CNTNAP5: variants seen among roughly 807,000 people sequenced by gnomAD.
CNTNAP5 encodes contactin-associated protein-like 5.
A neutral mutation model predicts 150.2 loss-of-function variants in CNTNAP5; 72 were observed. That is an observed-to-expected ratio of 0.48 (90% CI 0.40 to 0.58). The LOEUF (loss-of-function observed/expected upper bound fraction) is 0.58. Among genes scored for constraint, CNTNAP5 ranks in the 20% least tolerant of loss-of-function variants. The probability of loss-of-function intolerance (pLI) is 0.00; values close to 1 mark genes in which losing one functional copy is unlikely to be tolerated. For synonymous variants in CNTNAP5, 672 were observed against 619.8 expected (o/e 1.08, Z -1.25); for missense variants, 1,636 against 1,626.2 (o/e 1.01, Z -0.10).
chr2:124,651,071 C>T, intron 13 of CNTNAP5, among the ~76,000 whole-genome samples: 1 of 152,132 alleles, frequency 6.6e-6, no homozygotes, highest in Admixed American at 6.5e-5. Flanking sequence ...GTGCCCGTTT[C>T]CCAGCGATAG....
chr2:124,846,734 A>C (rs573681948), intron 19 of CNTNAP5, among the ~76,000 whole-genome samples: 7 of 152,154 alleles, frequency 4.6e-5, no homozygotes, highest in Non-Finnish European at 7.4e-5. Context: ...TTCAAGGGCT[A>C]GTGTTAAGAT....
At chr2:124,468,176 T>C (rs1693425306) in intron 6 of CNTNAP5, among the ~76,000 whole-genome samples, 1 of 152,104 alleles carries the variant, frequency 6.6e-6, no homozygotes, top group African/African-American at 2.4e-5. Context: ...AGGATACATG[T>C]ATATATTAAA....
rs539425415 is a variant in CNTNAP5, at chr2:124,645,585, C to T, written c.1877-2173C>T. ...CCTGTATCTAAACAATAAAATATAA[C>T]CTTGCCTCAGTGAAACACTGGGGAC... On this transcript the variant is annotated intron_variant, in intron 12 of 23. Transcript: ENST00000682447. Among the ~76,000 whole-genome samples, 11 of 152,210 alleles carry T rather than the reference C, an allele frequency of 7.2e-5. No homozygotes were observed. In the South Asian group the frequency reaches 2.3e-3, roughly 32 times the overall value.
At chr2:124,246,723 A>T (rs2104774446) in intron 3 of CNTNAP5, among the ~76,000 whole-genome samples, 1 of 152,232 alleles carries the variant, frequency 6.6e-6, no homozygotes, top group Middle Eastern at 3.4e-3. Context: ...TCATGAGCAC[A>T]ATTCCCACAC....
intron 3 of CNTNAP5, among the ~76,000 whole-genome samples, chr2:124,257,283 T>C (rs560176487): frequency 1.4e-3 from 208 of 152,340 alleles, no homozygotes; most frequent in Middle Eastern, 0.014. Flanking sequence ...TTGCAACCTC[T>C]GCTATTACTC....
At chr2:124,373,354 A>C (rs1447851855) in intron 3 of CNTNAP5, among the ~76,000 whole-genome samples, 1 of 152,160 alleles carries the variant, frequency 6.6e-6, no homozygotes, top group East Asian at 1.9e-4. Context: ...AATTGACCAC[A>C]ATCAGGATTT....
intron 1 of CNTNAP5, among the ~76,000 whole-genome samples, chr2:124,159,433 CAATAA>C (rs1684622353): frequency 6.6e-6 from 1 of 152,058 alleles, no homozygotes; most frequent in South Asian, 2.1e-4. Flanking sequence ...GGCTGTGTTC[CAATAA>C]AATTTTATTT....
chr2:124,764,087 T>A lies in CNTNAP5; in HGVS notation c.2473T>A (p.Leu825Ile), dbSNP rs769219100. The change falls in exon 16 of 24, where the codon TTA becomes ATA. Residue 825 changes from leucine (L) to isoleucine (I), a missense_variant. Physicochemically the swap from Leu to Ile is conservative, Grantham distance 5. Transcript: ENST00000682447. The part of the protein sequence containing the change: ...DISFFFKTTA[L>I]SGVFLENLGI... ...TTCCTTCTTTTTTAAAACCACAGCATTATCCGGAGTTTTCCTAGAAAATCT... is the reference window on the plus strand; with the variant it reads ...TTCCTTCTTTTTTAAAACCACAGCAATATCCGGAGTTTTCCTAGAAAATCT... 2 of 1,613,210 alleles carry A rather than the reference T, an allele frequency of 1.2e-6. No homozygotes were observed. Among genetic ancestry groups the A allele is most frequent in the East Asian group, 4.5e-5 (2 of 44,858 alleles).
intron 21 of CNTNAP5, among the ~76,000 whole-genome samples, chr2:124,875,347 T>C (rs1049347749): frequency 6.6e-6 from 1 of 152,094 alleles, no homozygotes; most frequent in East Asian, 1.9e-4. Flanking sequence ...TTTTTGATTT[T>C]GGACACAGAG....
chr2:124,420,282 C>T (rs1692068875), intron 4 of CNTNAP5, among the ~76,000 whole-genome samples: 1 of 151,996 alleles, frequency 6.6e-6, no homozygotes. Context: ...AGCTACTGTG[C>T]CCAAGTTTGA....
intron 3 of CNTNAP5, among the ~76,000 whole-genome samples, chr2:124,256,694 T>C (rs1261923736): frequency 1.3e-5 from 2 of 152,184 alleles, no homozygotes; most frequent in Non-Finnish European, 2.9e-5. Context: ...AGGATATACT[T>C]AGTTTTACTA....
intron 7 of CNTNAP5, among the ~76,000 whole-genome samples, chr2:124,481,473 G>T (rs1693760900): frequency 6.6e-6 from 1 of 152,196 alleles, no homozygotes; most frequent in Admixed American, 6.5e-5. Flanking sequence ...AAGTATTAAA[G>T]AAAATTTCTT....
At chr2:124,767,579 G>T (rs546352405) in intron 16 of CNTNAP5, among the ~76,000 whole-genome samples, 7 of 152,192 alleles carry the variant, frequency 4.6e-5, no homozygotes, top group South Asian at 2.1e-4. Flanking sequence ...CTTCCAAGTG[G>T]GTTTGTGAGC....
chr2:124,911,531 C>T lies in CNTNAP5; in HGVS notation c.3720C>T (p.Val1240=), dbSNP rs771904844. Residue 1240 remains valine, a synonymous_variant, in exon 23 of 24, where the codon GTC becomes GTT. Transcript: ENST00000682447. The part of the protein sequence containing the change: ...LTNAVRSDSA[V]IGGVIAVVIF... Reference sequence around the variant, plus strand: ...ATGCTGTTCGAAGTGATTCGGCAGTCATCGGAGGTAAACAATTCATTGTTG... The same window carrying T: ...ATGCTGTTCGAAGTGATTCGGCAGTTATCGGAGGTAAACAATTCATTGTTG... 5 of 1,595,888 alleles carry T rather than the reference C, an allele frequency of 3.1e-6. No homozygotes were observed. The South Asian group carries it at 5.7e-5, about 18-fold the overall frequency.
chr2:124,513,272 T>C (rs565838348), intron 8 of CNTNAP5, among the ~76,000 whole-genome samples: 5 of 152,332 alleles, frequency 3.3e-5, no homozygotes, highest in Admixed American at 3.3e-4. Flanking sequence ...ATGTCTGTGT[T>C]CAAATAGCTT....
chr2:124,103,283 TGTAAA>T (rs1384445277), intron 1 of CNTNAP5, among the ~76,000 whole-genome samples: 1 of 152,200 alleles, frequency 6.6e-6, no homozygotes, highest in Non-Finnish European at 1.5e-5. Context: ...TTAAAAACTG[TGTAAA>T]GTAAACATGT....
chr2:124,347,469 C>A (rs1208266301), intron 3 of CNTNAP5, among the ~76,000 whole-genome samples: 1 of 152,152 alleles, frequency 6.6e-6, no homozygotes, highest in African/African-American at 2.4e-5. Flanking sequence ...CAGAAGGACA[C>A]GTCTGAGAGC....
chr2:124,203,713 G>A (rs889178765), intron 1 of CNTNAP5, among the ~76,000 whole-genome samples: 5 of 152,182 alleles, frequency 3.3e-5, no homozygotes, highest in African/African-American at 7.2e-5. Flanking sequence ...CTGAAGCAAC[G>A]ATATGAGCTT....
chr2:124,525,074 A>G (rs1694933431), intron 9 of CNTNAP5, among the ~76,000 whole-genome samples: 1 of 152,260 alleles, frequency 6.6e-6, no homozygotes, highest in Non-Finnish European at 1.5e-5. Flanking sequence ...TTCCAATGAC[A>G]AAAACACAAG....
Sources: allele counts gnomAD v4.1 joint callset (sites outside exome capture counted in the v4.1 genomes callset), GRCh38; gene constraint gnomAD v4.1.1; transcripts MANE v1.5; gene names NCBI Gene and HGNC (gene_info 2026-07-23, HGNC 2026-07-21).